GABRB1: variants seen among roughly 807,000 people sequenced by gnomAD.
GABRB1 encodes the protein gamma-aminobutyric acid type A receptor subunit beta1.
GABRB1 carries 17 observed loss-of-function variants against 51.6 expected under a neutral mutation model. The ratio of observed to expected loss-of-function variants is 0.33; its 90% CI spans 0.23 to 0.49. GABRB1 has a LOEUF of 0.49. GABRB1 is among the 20% of genes least tolerant of loss of function. The pLI is 0.99. For synonymous variants in GABRB1, 247 were observed against 218.9 expected, an observed-to-expected ratio of 1.13 and a Z score of -1.14; for missense variants, 410 against 600.6, an observed-to-expected ratio of 0.68 and a Z score of 3.32.
At chr4:47,073,720 G>A (rs1419610381) in intron 3 of GABRB1, among the ~76,000 whole-genome samples, 1 of 152,172 alleles carries the variant, frequency 6.6e-6, no homozygotes, top group East Asian at 1.9e-4. Flanking sequence ...TTGCTGCTCA[G>A]AGGAAGAATG....
chr4:47,174,755 TC>T (rs1718591241), intron 4 of GABRB1, among the ~76,000 whole-genome samples: 1 of 152,120 alleles, frequency 6.6e-6, no homozygotes. Context: ...TCTTCTTGTG[TC>T]ATTCTTAGGA....
At chr4:47,252,000 G>T (rs1381035233) in intron 4 of GABRB1, among the ~76,000 whole-genome samples, 1 of 152,084 alleles carries the variant, frequency 6.6e-6, no homozygotes, top group Admixed American at 6.5e-5. Context: ...TTGAGTTCTG[G>T]CTGGGAGGCT....
intron 4 of GABRB1, among the ~76,000 whole-genome samples, chr4:47,196,756 T>C (rs920172193): frequency 6.6e-6 from 1 of 152,268 alleles, no homozygotes; most frequent in Non-Finnish European, 1.5e-5. Context: ...CACAATGTTT[T>C]ATTAAAATAA....
At chr4:47,032,047 T>C (rs747118464) in intron 2 of GABRB1, 42 bp downstream of exon 2, 4 of 1,343,834 alleles carry the variant, frequency 3.0e-6, no homozygotes, top group East Asian at 4.6e-5. Flanking sequence ...CATCCTTAGT[T>C]CTCCTTTTCT....
chr4:47,399,112 T>A (rs529329505), intron 5 of GABRB1, among the ~76,000 whole-genome samples: 1 of 152,224 alleles, frequency 6.6e-6, no homozygotes. Context: ...TATTGAATAA[T>A]GTTTTTTGCT....
chr4:47,228,932 A>T (rs1041334694), intron 4 of GABRB1, among the ~76,000 whole-genome samples: 6 of 152,176 alleles, frequency 3.9e-5, no homozygotes, highest in African/African-American at 1.4e-4. Context: ...CTACTACAGC[A>T]TATATTAATT....
At chr4:47,100,190 A>G (rs1420187669) in intron 3 of GABRB1, among the ~76,000 whole-genome samples, 1 of 134,094 alleles carries the variant, frequency 7.5e-6, no homozygotes. Flanking sequence ...TATTTCTAGA[A>G]GAAATCTTAA....
Position 47,294,634 on chromosome 4 carries a change from C to T in GABRB1, c.462-25493C>T, listed in dbSNP as rs188483268. ...GAATTGGGTGGAGCCCACCACAGCT[C>T]AAGGAGGCCTGTCTGCCTTTGTAGG... On this transcript the variant is annotated intron_variant, in intron 4 of 8. Transcript: ENST00000295454. Among the ~76,000 whole-genome samples, 38 of 152,344 alleles carry T rather than the reference C, an allele frequency of 2.5e-4. 1 individual carries two copies. Among genetic ancestry groups the T allele is most frequent in the African/African-American group, 8.9e-4 (37 of 41,586 alleles).
chr4:47,202,973 G>A (rs1404345703), intron 4 of GABRB1, among the ~76,000 whole-genome samples: 1 of 152,122 alleles, frequency 6.6e-6, no homozygotes, highest in Non-Finnish European at 1.5e-5. Flanking sequence ...AAGTTGGCAA[G>A]GGTTGGAACA....
At chr4:47,425,480 T>TGATGATA (rs1553884617) in intron 8 of GABRB1, among the ~76,000 whole-genome samples, 194 bp from the exon 9 acceptor site, 1 of 142,316 alleles carries the variant, frequency 7.0e-6, no homozygotes, top group African/African-American at 2.7e-5. Flanking sequence ...TGGATGATGA[T>TGATGATA]GATAGATAGA....
At chr4:47,028,859 A>C (rs1237478016), upstream of GABRB1, among the ~76,000 whole-genome samples, 1 of 148,460 alleles carries the variant, frequency 6.7e-6, no homozygotes, top group African/African-American at 2.5e-5. Flanking sequence ...ATGTGTATAT[A>C]TGGTATATAT....
rs1720799300 is a variant in GABRB1, at chr4:47,222,358, C to T, written c.461+60889C>T. On this transcript the variant is annotated intron_variant, in intron 4 of 8. Coordinates refer to ENST00000295454, the MANE Select transcript of GABRB1 (RefSeq NM_000812.4). Reference sequence around the variant, plus strand: ...TACAGTAATGGTTCCCCAAAATGTCCTGCTTGCCTGTATTCCTATCCTTGT... The same window carrying T: ...TACAGTAATGGTTCCCCAAAATGTCTTGCTTGCCTGTATTCCTATCCTTGT... Among the ~76,000 whole-genome samples the T allele has an allele frequency of 2.0e-5, 3 of 152,122 alleles. No individual in the cohort carries two copies. The South Asian group carries it at 6.2e-4, about 31-fold the overall frequency.
chr4:47,392,272 C>T (rs1728024046), intron 5 of GABRB1, among the ~76,000 whole-genome samples: 1 of 151,424 alleles, frequency 6.6e-6, no homozygotes, highest in Admixed American at 6.6e-5. Context: ...TGGCAGCAGT[C>T]GCCAGAAACT....
At chr4:47,026,036 G>GA (rs1467243144) in intron 1 of GABRB1, among the ~76,000 whole-genome samples, 2 of 151,984 alleles carry the variant, frequency 1.3e-5, no homozygotes, top group Admixed American at 6.6e-5. Context: ...TCCAAGGCAA[G>GA]AAAAAATGTT....
chr4:47,193,171 A>T (rs1288142631), intron 4 of GABRB1, among the ~76,000 whole-genome samples: 1 of 152,128 alleles, frequency 6.6e-6, no homozygotes, highest in Non-Finnish European at 1.5e-5. Context: ...TGTTATTAAG[A>T]CGGAGTTTCA....
At chr4:47,394,112 G>A (rs1437687936) in intron 5 of GABRB1, among the ~76,000 whole-genome samples, 1 of 152,186 alleles carries the variant, frequency 6.6e-6, no homozygotes, top group African/African-American at 2.4e-5. Flanking sequence ...GCTCAGGAGG[G>A]GAAAGTAAGC....
intron 3 of GABRB1, among the ~76,000 whole-genome samples, chr4:47,107,341 C>A (rs1408447613): frequency 6.6e-6 from 1 of 152,018 alleles, no homozygotes; most frequent in Non-Finnish European, 1.5e-5. Context: ...GGTGGATATA[C>A]AACCTCTACT....
chr4:47,077,869 A>G (rs1008088803), intron 3 of GABRB1, among the ~76,000 whole-genome samples: 5 of 140,000 alleles, frequency 3.6e-5, no homozygotes, highest in African/African-American at 1.3e-4. Flanking sequence ...TATTTTATAT[A>G]TATTATATGT....
At chr4:47,225,328 G>A (rs551684128) in intron 4 of GABRB1, among the ~76,000 whole-genome samples, 54 of 152,284 alleles carry the variant, frequency 3.5e-4, no homozygotes, top group African/African-American at 1.2e-3. Context: ...GGGGCAGGGA[G>A]TGTAAAGATT....
Sources: allele counts gnomAD v4.1 joint callset (sites outside exome capture counted in the v4.1 genomes callset), GRCh38; gene constraint gnomAD v4.1.1; transcripts MANE v1.5; gene names NCBI Gene and HGNC (gene_info 2026-07-23, HGNC 2026-07-21).